The following SORCS1 variants were observed in gnomAD, a reference collection of about 807,000 sequenced individuals.
SORCS1 encodes the protein sortilin related VPS10 domain containing receptor 1, also known as VPS10 domain-containing receptor SorCS1.
Under a neutral mutation model 146.1 loss-of-function variants are expected in SORCS1, and 60 were observed. The ratio of observed to expected loss-of-function variants is 0.41; its 90% CI spans 0.33 to 0.51. The LOEUF is 0.51. Ranked by LOEUF, SORCS1 falls within the 20% of genes least tolerant of loss-of-function variation. The pLI, the probability that SORCS1 is intolerant of heterozygous loss-of-function variation, is 0.21. For missense variants in SORCS1, 1,352 were observed against 1,487.6 expected (o/e 0.91, Z 1.50); for synonymous variants, 637 against 584.0 (o/e 1.09, Z -1.31).
chr10:106,626,260 C>T (rs1848106007), intron 19 of SORCS1, among the ~76,000 whole-genome samples: 1 of 152,180 alleles, frequency 6.6e-6, no homozygotes, highest in South Asian at 2.1e-4. Flanking sequence ...GCTAATTCTC[C>T]TCTTCCTCAT....
At chr10:106,895,831 A>G (rs1228485674) in intron 2 of SORCS1, among the ~76,000 whole-genome samples, 2 of 152,198 alleles carry the variant, frequency 1.3e-5, no homozygotes, top group African/African-American at 4.8e-5. Context: ...GCCCACGTTT[A>G]TAGCAACAAT....
intron 2 of SORCS1, among the ~76,000 whole-genome samples, chr10:106,939,660 G>A (rs1339262008): frequency 6.6e-6 from 1 of 152,192 alleles, no homozygotes; most frequent in Non-Finnish European, 1.5e-5. Flanking sequence ...ATACATCCCA[G>A]CAGGAGAAAG....
At chr10:106,976,011 G>T (rs1308124387) in intron 1 of SORCS1, among the ~76,000 whole-genome samples, 1 of 151,786 alleles carries the variant, frequency 6.6e-6, no homozygotes, top group African/African-American at 2.4e-5. Context: ...GGCGGGCAGT[G>T]GTGGCGCACC....
At chr10:106,991,652 T>G (rs1272297304) in intron 1 of SORCS1, among the ~76,000 whole-genome samples, 2 of 152,148 alleles carry the variant, frequency 1.3e-5, no homozygotes, top group African/African-American at 2.4e-5. Context: ...TAATTATCTG[T>G]TTTTGATTAA....
At chr10:106,742,689 C>T (rs1401650828) in intron 5 of SORCS1, among the ~76,000 whole-genome samples, 1 of 152,120 alleles carries the variant, frequency 6.6e-6, no homozygotes, top group Non-Finnish European at 1.5e-5. Context: ...CAATTTCATA[C>T]AATACGTTTA....
chr10:107,141,804 C>T (rs888794597), intron 1 of SORCS1, among the ~76,000 whole-genome samples: 1 of 152,196 alleles, frequency 6.6e-6, no homozygotes, highest in Non-Finnish European at 1.5e-5. Flanking sequence ...ATGTCCTGCA[C>T]ACAGGGAACT....
chr10:107,010,600 T>C (rs1204756904), intron 1 of SORCS1, among the ~76,000 whole-genome samples: 1 of 152,200 alleles, frequency 6.6e-6, no homozygotes, highest in African/African-American at 2.4e-5. Context: ...GGCGTTTGCC[T>C]TATCCACAAA....
At chr10:106,895,780 T>A (rs546991247) in intron 2 of SORCS1, among the ~76,000 whole-genome samples, 1 of 152,280 alleles carries the variant, frequency 6.6e-6, no homozygotes, top group East Asian at 1.9e-4. Flanking sequence ...ATCCCACTCT[T>A]AGGTGTATGT....
intron 3 of SORCS1, among the ~76,000 whole-genome samples, chr10:106,785,294 G>C (rs1408058760): frequency 2.0e-5 from 3 of 152,168 alleles, no homozygotes; most frequent in Non-Finnish European, 4.4e-5. Context: ...GCTATCACCT[G>C]TTCTTCTGAG....
chr10:106,794,491 TTTTC>T (rs1457506798), intron 3 of SORCS1, among the ~76,000 whole-genome samples: 19 of 147,250 alleles, frequency 1.3e-4, no homozygotes, highest in African/African-American at 4.4e-4. Flanking sequence ...CATTGTTTCC[TTTTC>T]TTTTTCTTTT....
chr10:107,118,708 T>C (rs995378724), intron 1 of SORCS1, among the ~76,000 whole-genome samples: 1 of 152,224 alleles, frequency 6.6e-6, no homozygotes, highest in Non-Finnish European at 1.5e-5. Flanking sequence ...CTTTCAGACT[T>C]TGAGGATACC....
intron 1 of SORCS1, among the ~76,000 whole-genome samples, chr10:107,072,749 G>GA (rs11330632): frequency 3.8e-4 from 50 of 131,142 alleles, no homozygotes; most frequent in South Asian, 1.5e-3. Flanking sequence ...AATTAAAAAA[G>GA]AAAAAAAAAA....
At chr10:106,623,936 G>C (rs1371669463) in intron 19 of SORCS1, among the ~76,000 whole-genome samples, 1 of 151,864 alleles carries the variant, frequency 6.6e-6, no homozygotes, top group Non-Finnish European at 1.5e-5. Context: ...CACCCACCTC[G>C]GCCCCCCCAA....
intron 2 of SORCS1, among the ~76,000 whole-genome samples, chr10:106,906,300 A>G (rs1264861729): frequency 6.6e-6 from 1 of 152,108 alleles, no homozygotes; most frequent in Non-Finnish European, 1.5e-5. Flanking sequence ...TTTTTCGAAG[A>G]GACAGGATTT....
At chr10:106,648,227 A>C (rs145704484) in intron 18 of SORCS1, among the ~76,000 whole-genome samples, 1,868 of 151,922 alleles carry the variant, frequency 0.012, 76 homozygotes, top group Admixed American at 0.079. Flanking sequence ...TACTTGTCTT[A>C]CTTTGGATTA....
At chr10:106,999,033 G>A (rs1313203432) in intron 1 of SORCS1, among the ~76,000 whole-genome samples, 3 of 152,178 alleles carry the variant, frequency 2.0e-5, no homozygotes, top group Non-Finnish European at 4.4e-5. Context: ...TCAGGAATAA[G>A]TAGTAAGAAA....
intron 2 of SORCS1, among the ~76,000 whole-genome samples, chr10:106,920,715 C>T (rs1391795734): frequency 1.3e-5 from 2 of 152,172 alleles, no homozygotes; most frequent in Non-Finnish European, 2.9e-5. Context: ...GGGAGGTTTC[C>T]AGCACTCTGG....
intron 2 of SORCS1, among the ~76,000 whole-genome samples, chr10:106,864,791 C>T (rs762872881): frequency 6.6e-5 from 10 of 152,186 alleles, no homozygotes; most frequent in South Asian, 4.1e-4. Flanking sequence ...TTTCAGCCTT[C>T]GGGCTTTGGA....
chr10:106,622,129 T>C (rs1468605131), intron 19 of SORCS1, among the ~76,000 whole-genome samples: 4 of 151,372 alleles, frequency 2.6e-5, no homozygotes, highest in Admixed American at 1.3e-4. Flanking sequence ...ATCTCTACTA[T>C]AAATGCAAAA....
Sources: gnomAD v4.1 joint callset for allele counts (sites outside exome capture counted in the v4.1 genomes callset) on GRCh38, gnomAD v4.1.1 for gene constraint, MANE v1.5 for transcripts, NCBI Gene and HGNC (gene_info 2026-07-23, HGNC 2026-07-21) for gene names.